ST18: variants seen among roughly 807,000 people sequenced by gnomAD.
ST18 encodes the protein suppression of tumorigenicity 18 protein.
A neutral mutation model predicts 110.0 loss-of-function variants in ST18; 50 were observed. That is an observed-to-expected ratio of 0.45 (90% CI 0.36 to 0.58). The LOEUF is 0.58. Ranked by LOEUF, ST18 falls within the 20% of genes least tolerant of loss-of-function variation. The pLI, the probability that ST18 is intolerant of heterozygous loss-of-function variation, is 0.00. For missense variants in ST18, 1,306 were observed against 1,280.1 expected (o/e 1.02, Z -0.31); for synonymous variants, 461 against 452.4 (o/e 1.02, Z -0.24).
At chr8:52,163,760 G>A (rs190488916) in intron 13 of ST18, among the ~76,000 whole-genome samples, 15 of 152,254 alleles carry the variant, frequency 9.9e-5, no homozygotes, top group African/African-American at 3.4e-4. Context: ...CCTTTGCAAA[G>A]AGATGACTTT....
intron 2 of ST18, among the ~76,000 whole-genome samples, chr8:52,308,515 C>T (rs1336791637): frequency 6.6e-6 from 1 of 152,174 alleles, no homozygotes; most frequent in African/African-American, 2.4e-5. Context: ...TCACTCCTGC[C>T]CTGTGTTCTC....
At chr8:52,147,511 G>C (rs1481785420) in intron 16 of ST18, among the ~76,000 whole-genome samples, 1 of 152,072 alleles carries the variant, frequency 6.6e-6, no homozygotes. Context: ...TGAAGCAAAT[G>C]TGTTTTGTTA....
In ST18 at chr8:52,385,145, C is replaced by G. The variant is rs77768331; in HGVS notation, c.-465+24183G>C. ...AATTGACATCTAAGGTTCTGATTGA[C>G]GAGACTGAACTAGAAATACAGAATG... On this transcript the variant is annotated intron_variant, in intron 2 of 25. Coordinates refer to ENST00000689386, the MANE Select transcript of ST18 (RefSeq NM_001352837.2). Among the ~76,000 whole-genome samples the G allele has an allele frequency of 5.0e-3, 758 of 152,218 alleles. 4 individuals are homozygous for G. The highest frequency in any genetic ancestry group is 0.018 in the African/African-American group (735 of 41,530).
At chr8:52,142,082 A>G (rs1466780229) in intron 17 of ST18, among the ~76,000 whole-genome samples, 2 of 152,158 alleles carry the variant, frequency 1.3e-5, no homozygotes, top group Non-Finnish European at 2.9e-5. Context: ...GCTGCCTGTC[A>G]AGTAGGAACA....
intron 2 of ST18, among the ~76,000 whole-genome samples, chr8:52,312,847 A>T (rs985542223): frequency 1.3e-5 from 2 of 152,128 alleles, no homozygotes; most frequent in Admixed American, 1.3e-4. Flanking sequence ...GTCAGTGATG[A>T]AAAAAAGACA....
intron 24 of ST18, among the ~76,000 whole-genome samples, chr8:52,117,415 A>T (rs896353387): frequency 1.1e-4 from 17 of 152,228 alleles, no homozygotes; most frequent in African/African-American, 3.9e-4. Flanking sequence ...ACCATTGATC[A>T]TTTATGACTT....
chr8:52,134,182 G>C (rs185559217), intron 19 of ST18, among the ~76,000 whole-genome samples: 94 of 152,270 alleles, frequency 6.2e-4, no homozygotes, highest in African/African-American at 2.1e-3. Context: ...ATTTGCACCT[G>C]GTCTGTCCTG....
chr8:52,262,096 A>G (rs182294153), intron 2 of ST18, among the ~76,000 whole-genome samples: 1 of 152,270 alleles, frequency 6.6e-6, no homozygotes, highest in Admixed American at 6.5e-5. Context: ...GTGTCAAAAC[A>G]TGATGAAAGG....
At chr8:52,334,446 TCTTC>T (rs1275732463) in intron 2 of ST18, among the ~76,000 whole-genome samples, 3 of 152,224 alleles carry the variant, frequency 2.0e-5, no homozygotes, top group East Asian at 3.8e-4. Flanking sequence ...GAAAGATCAC[TCTTC>T]CTTGTAGAAA....
intron 2 of ST18, among the ~76,000 whole-genome samples, chr8:52,353,871 C>A (rs1045560493): frequency 2.0e-5 from 3 of 152,232 alleles, no homozygotes; most frequent in Admixed American, 6.5e-5. Context: ...GAATACAGCT[C>A]CATCTGCCTT....
intron 2 of ST18, among the ~76,000 whole-genome samples, chr8:52,234,936 T>C (rs2092387108): frequency 6.6e-6 from 1 of 152,010 alleles, no homozygotes; most frequent in Non-Finnish European, 1.5e-5. Context: ...GGCGTAAGAA[T>C]GATATAATGG....
chr8:52,396,463 A>G (rs975556152), intron 2 of ST18, among the ~76,000 whole-genome samples: 13 of 152,164 alleles, frequency 8.5e-5, no homozygotes, highest in African/African-American at 3.1e-4. Context: ...AAGAGTGAAT[A>G]ATATTCCATT....
At chr8:52,287,797 C>T (rs1414407832) in intron 2 of ST18, among the ~76,000 whole-genome samples, 1 of 152,164 alleles carries the variant, frequency 6.6e-6, no homozygotes, top group Non-Finnish European at 1.5e-5. Flanking sequence ...TTTAAAAATG[C>T]AGTTACATAT....
At chr8:52,333,326 A>G (rs1810495322) in intron 2 of ST18, among the ~76,000 whole-genome samples, 1 of 152,172 alleles carries the variant, frequency 6.6e-6, no homozygotes, top group African/African-American at 2.4e-5. Flanking sequence ...GTTAAATAGA[A>G]AAGACAAGCA....
chr8:52,386,072 T>C (rs552863270), intron 2 of ST18, among the ~76,000 whole-genome samples: 1 of 152,308 alleles, frequency 6.6e-6, no homozygotes, highest in South Asian at 2.1e-4. Context: ...GATGCACATA[T>C]ACGCAGACAT....
chr8:52,257,118 T>C (rs77199957), intron 2 of ST18, among the ~76,000 whole-genome samples: 1 of 152,242 alleles, frequency 6.6e-6, no homozygotes, highest in Non-Finnish European at 1.5e-5. Context: ...TTTATCCACA[T>C]TGTAGCATCT....
At chr8:52,204,732 A>G (rs1455704858) in intron 8 of ST18, among the ~76,000 whole-genome samples, 1 of 152,232 alleles carries the variant, frequency 6.6e-6, no homozygotes, top group Admixed American at 6.5e-5. Context: ...TGAAAAAATT[A>G]TCTCTGACAA....
intron 2 of ST18, among the ~76,000 whole-genome samples, chr8:52,273,171 T>C (rs568283388): frequency 6.6e-6 from 1 of 152,304 alleles, no homozygotes; most frequent in South Asian, 2.1e-4. Context: ...TCCATATCTA[T>C]GTTAAGCAGC....
chr8:52,247,503 C>T (rs146238960), intron 2 of ST18, among the ~76,000 whole-genome samples: 1 of 152,302 alleles, frequency 6.6e-6, no homozygotes, highest in African/African-American at 2.4e-5. Context: ...ACACCCTTTG[C>T]TGTACCCGTA....
Sources: gnomAD v4.1 joint callset for allele counts (sites outside exome capture counted in the v4.1 genomes callset) on GRCh38, gnomAD v4.1.1 for gene constraint, MANE v1.5 for transcripts, NCBI Gene and HGNC (gene_info 2026-07-23, HGNC 2026-07-21) for gene names.